DOP1B: variants seen among roughly 807,000 people sequenced by gnomAD.
The protein encoded by DOP1B is DOP1 leucine zipper like protein B, also known as protein DOP1B.
Under a neutral mutation model 233.5 loss-of-function variants are expected in DOP1B, and 174 were observed. The ratio of observed to expected loss-of-function variants is 0.75; its 90% CI spans 0.66 to 0.85. DOP1B has a LOEUF of 0.85. Ranked by LOEUF, DOP1B falls within the 40% of genes least tolerant of loss-of-function variation. The probability of loss-of-function intolerance (pLI) is 0.00; values close to 1 mark genes in which losing one functional copy is unlikely to be tolerated. For missense variants in DOP1B, 2,652 were observed against 2,846.6 expected, an observed-to-expected ratio of 0.93 and a Z score of 1.56; for synonymous variants, 1,190 against 1,185.6, an observed-to-expected ratio of 1.00 and a Z score of -0.08.
At chr21:36,265,035 G>A (rs990615131) in intron 26 of DOP1B, among the ~76,000 whole-genome samples, 4 of 152,138 alleles carry the variant, frequency 2.6e-5, no homozygotes, top group Non-Finnish European at 1.5e-5. Flanking sequence ...TATGATCCCT[G>A]GCATTTGTGA....
chr21:36,290,673 C>G (rs2067545931), intron 35 of DOP1B, among the ~76,000 whole-genome samples: 2 of 152,084 alleles, frequency 1.3e-5, no homozygotes, highest in African/African-American at 4.8e-5. Flanking sequence ...GCCTGTAATC[C>G]CAGCTACTTG....
intron 13 of DOP1B, 69 bp downstream of exon 13, chr21:36,227,946 A>G: frequency 1.4e-6 from 2 of 1,418,222 alleles, no homozygotes; most frequent in Non-Finnish European, 9.3e-7. Context: ...GGGAGTAGAA[A>G]GTCTTTAGGG....
At chr21:36,235,833 A>G (rs2066818480) in intron 15 of DOP1B, among the ~76,000 whole-genome samples, 1 of 137,012 alleles carries the variant, frequency 7.3e-6, no homozygotes, top group South Asian at 2.6e-4. Context: ...TCTCTTGCAT[A>G]TATATTTGCC....
chr21:36,247,425 C>G, intron 19 of DOP1B, 92 bp from the exon 20 acceptor site: 1 of 743,638 alleles, frequency 1.3e-6, no homozygotes, highest in Admixed American at 3.2e-5. Flanking sequence ...GGTGATCTCT[C>G]CCTAGTTCCT....
chr21:36,269,512 A>G (rs1161648731), intron 26 of DOP1B, among the ~76,000 whole-genome samples: 1 of 152,014 alleles, frequency 6.6e-6, no homozygotes, highest in Non-Finnish European at 1.5e-5. Flanking sequence ...ATTGGGTTAA[A>G]TAAAATACAT....
intron 4 of DOP1B, among the ~76,000 whole-genome samples, chr21:36,201,345 C>CTTTGTTTTTTTTTTTTTTTTTTTTT (rs2066363725): frequency 1.2e-5 from 1 of 83,290 alleles, no homozygotes; most frequent in Non-Finnish European, 2.2e-5. Context: ...CTATTGGATT[C>CTTTGTTTTTTTTTTTTTTTTTTTTT]TTTTTTTTTT....
intron 15 of DOP1B, among the ~76,000 whole-genome samples, chr21:36,235,867 G>GGA (rs900643144): frequency 2.0e-5 from 3 of 147,980 alleles, no homozygotes; most frequent in South Asian, 4.6e-4. Flanking sequence ...GGAAGTCGGG[G>GGA]GGGGGGCGGT....
At chr21:36,236,441 A>T (rs1430133457) in intron 15 of DOP1B, among the ~76,000 whole-genome samples, 2 of 152,224 alleles carry the variant, frequency 1.3e-5, no homozygotes, top group Admixed American at 6.5e-5. Context: ...CTGCGTGGTA[A>T]CCAATTCGAG....
intron 31 of DOP1B, among the ~76,000 whole-genome samples, chr21:36,281,244 T>C (rs2067412360): frequency 6.6e-6 from 1 of 152,044 alleles, no homozygotes; most frequent in Non-Finnish European, 1.5e-5. Flanking sequence ...CGCAGTGAGC[T>C]GTGATCCCAC....
intron 18 of DOP1B, among the ~76,000 whole-genome samples, chr21:36,242,611 C>T (rs1249392210): frequency 6.6e-6 from 1 of 152,148 alleles, no homozygotes; most frequent in Admixed American, 6.6e-5. Context: ...CTACGCCTGG[C>T]CTTCCTTGGG....
At chr21:36,293,266 A>G (rs2067579520) in intron 36 of DOP1B, 54 bp from the exon 37 acceptor site, 1 of 1,576,704 alleles carries the variant, frequency 6.3e-7, no homozygotes, top group Non-Finnish European at 8.6e-7. Context: ...CTTCCCAGCC[A>G]TCTCGAGCCC....
chr21:36,249,595 G>T (rs2067010323), intron 21 of DOP1B, among the ~76,000 whole-genome samples: 1 of 152,210 alleles, frequency 6.6e-6, no homozygotes, highest in Non-Finnish European at 1.5e-5. Flanking sequence ...TGGAATGTCA[G>T]GGTGCCTTTG....
At position 36,229,818 on chromosome 21, in the gene DOP1B, T is replaced by A. The variant is rs141115693; in HGVS notation, c.1666-632T>A. Among the ~76,000 whole-genome samples, 1,395 of 150,158 alleles carry A rather than the reference T, an allele frequency of 9.3e-3. 25 individuals are homozygous for A. Among genetic ancestry groups the A allele is most frequent in the African/African-American group, 0.033 (1,329 of 40,772 alleles). On this transcript the variant is annotated intron_variant, in intron 13 of 36. Coordinates refer to ENST00000691173, the MANE Select transcript of DOP1B (RefSeq NM_001320714.2). ...CTGGGATTACAGGCACCCACCACCA[T>A]GCCTGGCTAATTTTTTGTATTTTTA...
chr21:36,209,277 A>G (rs1026752777), intron 5 of DOP1B, among the ~76,000 whole-genome samples: 20 of 152,130 alleles, frequency 1.3e-4, no homozygotes, highest in African/African-American at 4.1e-4. Flanking sequence ...ACCCACCACC[A>G]TGCCCGGCTA....
At chr21:36,176,087 G>GGGGGGTGTGT (rs1232680435) in intron 2 of DOP1B, among the ~76,000 whole-genome samples, 1 of 96,534 alleles carries the variant, frequency 1.0e-5, no homozygotes, top group African/African-American at 3.5e-5. Flanking sequence ...TCGACTTTGG[G>GGGGGGTGTGT]GTGTGTGTGC....
At chr21:36,227,268 T>C (rs1320307709) in intron 12 of DOP1B, among the ~76,000 whole-genome samples, 6 of 149,708 alleles carry the variant, frequency 4.0e-5, no homozygotes, top group East Asian at 2.0e-4. Flanking sequence ...TTAATGTGGG[T>C]CAGGCACGGT....
At chr21:36,264,238 T>C (rs1487338597) in intron 26 of DOP1B, among the ~76,000 whole-genome samples, 10 of 152,092 alleles carry the variant, frequency 6.6e-5, no homozygotes, top group Admixed American at 6.6e-4. Context: ...CTGGGTAACA[T>C]AGTGAGACCT....
intron 12 of DOP1B, 81 bp downstream of exon 12, chr21:36,225,748 C>T: frequency 7.3e-7 from 1 of 1,369,312 alleles, no homozygotes; most frequent in Admixed American, 2.0e-5. Flanking sequence ...TTATCAACCT[C>T]ACATTACTGA....
At chr21:36,161,319 A>G (rs1474341372) in intron 1 of DOP1B, among the ~76,000 whole-genome samples, 1 of 151,978 alleles carries the variant, frequency 6.6e-6, no homozygotes, top group African/African-American at 2.4e-5. Flanking sequence ...TTCTATTTTT[A>G]GTAGAGATGG....
Sources: allele counts gnomAD v4.1 joint callset (sites outside exome capture counted in the v4.1 genomes callset), GRCh38; gene constraint gnomAD v4.1.1; transcripts MANE v1.5; gene names NCBI Gene and HGNC (gene_info 2026-07-23, HGNC 2026-07-21).